Variants in EXOC4 observed in about 807,000 individuals in gnomAD.
EXOC4 encodes exocyst complex component 4.
EXOC4 carries 71 observed loss-of-function variants against 107.2 expected under a neutral mutation model. The observed-to-expected ratio is 0.66, with a 90% CI of 0.55 to 0.81. The LOEUF is 0.81. Ranked by LOEUF, EXOC4 falls within the 30% of genes least tolerant of loss-of-function variation. The pLI, the probability that EXOC4 is intolerant of heterozygous loss-of-function variation, is 0.00. For synonymous variants in EXOC4, 456 were observed against 441.2 expected, an observed-to-expected ratio of 1.03 and a Z score of -0.42; for missense variants, 1,108 against 1,189.6, an observed-to-expected ratio of 0.93 and a Z score of 1.01.
At chr7:133,696,276 G>C (rs1393393240) in intron 10 of EXOC4, among the ~76,000 whole-genome samples, 2 of 152,150 alleles carry the variant, frequency 1.3e-5, no homozygotes, top group Non-Finnish European at 2.9e-5. Context: ...GTAGCTGGAA[G>C]TCCCCCAGCT....
chr7:133,255,157 A>G (rs1794985798), intron 1 of EXOC4, among the ~76,000 whole-genome samples: 1 of 149,462 alleles, frequency 6.7e-6, no homozygotes, highest in Admixed American at 6.6e-5. Flanking sequence ...TCTGTTGTGC[A>G]TTATATTGCT....
At chr7:133,596,201 T>C (rs1801667040) in intron 9 of EXOC4, among the ~76,000 whole-genome samples, 1 of 152,250 alleles carries the variant, frequency 6.6e-6, no homozygotes, top group Admixed American at 6.5e-5. Flanking sequence ...TAGTGAAAAC[T>C]CTATTTGGTT....
chr7:133,741,556 C>G (rs1163942291), intron 10 of EXOC4, among the ~76,000 whole-genome samples: 1 of 152,100 alleles, frequency 6.6e-6, no homozygotes, highest in East Asian at 1.9e-4. Context: ...CGTATCTGGC[C>G]CTGTATTCTA....
chr7:133,787,190 A>T (rs1796590152), intron 10 of EXOC4, among the ~76,000 whole-genome samples: 1 of 98,906 alleles, frequency 1.0e-5, no homozygotes. Flanking sequence ...TTTTTGAGTC[A>T]GTGTCTTGCC....
chr7:133,308,835 T>C (rs1360053732), intron 4 of EXOC4, among the ~76,000 whole-genome samples: 1 of 152,172 alleles, frequency 6.6e-6, no homozygotes, highest in African/African-American at 2.4e-5. Flanking sequence ...GCCCACCCAA[T>C]GTCCATTCTT....
In EXOC4 at chr7:133,588,525, T is replaced by C. The variant is rs544696405; in HGVS notation, c.1418-41520T>C. 1.1e-4 allele frequency among the ~76,000 whole-genome samples: 17 copies of C among 152,332 alleles called. No individual in the cohort carries two copies. The South Asian group carries it at 3.5e-3, about 32-fold the overall frequency. Reference sequence around the variant, plus strand: ...GCTCTATAAAAATGTGATGTCCAAATAAAAGGGAAATGAAGACTTACCACT... The same window carrying C: ...GCTCTATAAAAATGTGATGTCCAAACAAAAGGGAAATGAAGACTTACCACT... On this transcript the variant is annotated intron_variant, in intron 9 of 17. Transcript: ENST00000253861.
chr7:134,095,963 G>T, the EXOC4 span, among the ~76,000 whole-genome samples: 8 of 152,212 alleles, frequency 5.3e-5, no homozygotes, highest in East Asian at 5.8e-4. Context: ...AGTGACAAGT[G>T]TGACCTAATT....
At chr7:133,600,733 C>G (rs1012532786) in intron 9 of EXOC4, among the ~76,000 whole-genome samples, 1 of 152,150 alleles carries the variant, frequency 6.6e-6, no homozygotes, top group African/African-American at 2.4e-5. Context: ...CCATCTTTGC[C>G]CTTTATTCCC....
At chr7:133,724,138 T>C (rs542012340) in intron 10 of EXOC4, among the ~76,000 whole-genome samples, 2 of 152,234 alleles carry the variant, frequency 1.3e-5, no homozygotes, top group Non-Finnish European at 2.9e-5. Context: ...ACCTAGGCTG[T>C]CAGACTAATC....
intron 11 of EXOC4, among the ~76,000 whole-genome samples, chr7:133,835,291 G>A (rs1053456592): frequency 6.6e-5 from 10 of 152,212 alleles, no homozygotes; most frequent in African/African-American, 2.2e-4. Flanking sequence ...TGCCCATGAC[G>A]CAGCCTCAGG....
chr7:133,933,098 A>T (rs1483545455), intron 13 of EXOC4, among the ~76,000 whole-genome samples: 1 of 151,634 alleles, frequency 6.6e-6, no homozygotes, highest in Non-Finnish European at 1.5e-5. Context: ...AGAATTCTTT[A>T]AAGACTAAAT....
rs757424698 is a variant in EXOC4 at position 133,317,334 on chromosome 7, C to A, written c.707C>A (p.Pro236His). ...SVPLIDVTNLPTPRKFLDTSH... is the reference protein window; with the variant it reads ...SVPLIDVTNLHTPRKFLDTSH... The stretch of plus-strand genomic sequence containing the variant: ...CCTCTGATTGATGTTACAAACCTCC[C>A]TACTCCTCGAAAATTCCTTGATACC... The change falls in exon 5 of 18, where the codon CCT (proline) becomes CAT (histidine). Residue 236 changes from proline (P) to histidine (H), a missense_variant. Transcript: ENST00000253861. The A allele has an allele frequency of 1.4e-5, 23 of 1,613,742 alleles. No homozygotes were observed. In the East Asian group the frequency reaches 5.1e-4, roughly 36 times the overall value.
In EXOC4 at chr7:133,838,026, G is replaced by C. The variant is rs116588632; in HGVS notation, c.1734+20482G>C. Among the ~76,000 whole-genome samples, 751 of 152,268 alleles carry C rather than the reference G, an allele frequency of 4.9e-3. 8 individuals carry two copies. The highest frequency in any genetic ancestry group is 0.017 in the African/African-American group (707 of 41,548). On this transcript the variant is annotated intron_variant, in intron 11 of 17. Transcript: ENST00000253861. ...AACACAAATAACACATGATAAAATAGAGATTTAGAGTGGATTTTATAACAT... is the reference window on the plus strand; with the variant it reads ...AACACAAATAACACATGATAAAATACAGATTTAGAGTGGATTTTATAACAT...
intron 11 of EXOC4, among the ~76,000 whole-genome samples, chr7:133,865,140 G>A (rs1055336820): frequency 6.6e-6 from 1 of 151,876 alleles, no homozygotes; most frequent in Admixed American, 6.6e-5. Context: ...TCATGGGACA[G>A]GGATGTTATC....
chr7:133,423,370 T>A (rs1227392228), intron 7 of EXOC4, among the ~76,000 whole-genome samples: 2 of 152,240 alleles, frequency 1.3e-5, no homozygotes, highest in Non-Finnish European at 2.9e-5. Flanking sequence ...CTAATATTGC[T>A]GCTTAGATAT....
intron 7 of EXOC4, among the ~76,000 whole-genome samples, chr7:133,442,436 C>G (rs1359174501): frequency 2.0e-5 from 3 of 152,098 alleles, no homozygotes; most frequent in African/African-American, 7.2e-5. Flanking sequence ...AAGTTGGACT[C>G]CACTTCAGAG....
At chr7:133,706,734 G>T (rs1482501121) in intron 10 of EXOC4, among the ~76,000 whole-genome samples, 2 of 152,038 alleles carry the variant, frequency 1.3e-5, no homozygotes, top group Admixed American at 6.5e-5. Context: ...CCTCCATTTG[G>T]ACTAGCCACA....
At chr7:133,898,131 C>A (rs1331858042) in intron 12 of EXOC4, among the ~76,000 whole-genome samples, 1 of 151,764 alleles carries the variant, frequency 6.6e-6, no homozygotes, top group Non-Finnish European at 1.5e-5. Flanking sequence ...CTGTGCCTGG[C>A]CATTGGATAC....
In EXOC4 at chr7:134,065,662, A is replaced by T. The variant is rs1343284987; in HGVS notation, c.*1134A>T. ...GATGGGACTTTGACCACACACAGTG[A>T]TGCCTCACACCCTGAAGGTGGGGGA... On this transcript the variant is annotated 3_prime_UTR_variant, in exon 18 of 18. Coordinates refer to ENST00000253861, the MANE Select transcript of EXOC4 (RefSeq NM_021807.4). 6.6e-6 allele frequency: 1 copy of T among 152,362 alleles called. No individual in the cohort carries two copies. The highest frequency in any genetic ancestry group is 1.5e-5 in the Non-Finnish European group (1 of 68,138). The allele number at this position is 152,362 out of a possible 1,614,324, so 9.4% of individuals were successfully genotyped here.
Sources: allele counts gnomAD v4.1 joint callset (sites outside exome capture counted in the v4.1 genomes callset), GRCh38; gene constraint gnomAD v4.1.1; transcripts MANE v1.5; gene names NCBI Gene and HGNC (gene_info 2026-07-23, HGNC 2026-07-21).